The following CSMD1 variants were observed in gnomAD, a reference collection of about 807,000 sequenced individuals.
The protein encoded by CSMD1 is CUB and Sushi multiple domains 1.
Under a neutral mutation model 417.5 loss-of-function variants are expected in CSMD1, and 213 were observed. That is an observed-to-expected ratio of 0.51 (90% CI 0.46 to 0.57). The LOEUF (loss-of-function observed/expected upper bound fraction) is 0.57. Ranked by LOEUF, CSMD1 falls within the 20% of genes least tolerant of loss-of-function variation. The probability of loss-of-function intolerance (pLI) is 0.00; values close to 1 mark genes in which losing one functional copy is unlikely to be tolerated. For synonymous variants in CSMD1, 2,862 were observed against 1,736.8 expected (o/e 1.65, Z -16.11); for missense variants, 6,923 against 4,529.7 (o/e 1.53, Z -15.17).
At chr8:3,295,164 G>A (rs1242413752) in intron 25 of CSMD1, among the ~76,000 whole-genome samples, 8 of 151,768 alleles carry the variant, frequency 5.3e-5, no homozygotes, top group Non-Finnish European at 1.2e-4. Flanking sequence ...TTGCTTTGTT[G>A]CCCAGGTTGG....
At chr8:3,002,395 A>G (rs567213447) in intron 52 of CSMD1, among the ~76,000 whole-genome samples, 4 of 152,176 alleles carry the variant, frequency 2.6e-5, no homozygotes, top group Non-Finnish European at 5.9e-5. Context: ...GAGCCAGAAG[A>G]GCCCATCAGC....
intron 5 of CSMD1, among the ~76,000 whole-genome samples, chr8:3,867,576 G>C (rs978191742): frequency 6.6e-6 from 1 of 152,058 alleles, no homozygotes; most frequent in Non-Finnish European, 1.5e-5. Context: ...AATGAACTGT[G>C]TGGATATCTG....
chr8:3,121,465 A>C (rs1373475313), intron 41 of CSMD1, among the ~76,000 whole-genome samples: 1 of 152,196 alleles, frequency 6.6e-6, no homozygotes, highest in Non-Finnish European at 1.5e-5. Flanking sequence ...AGAAGTGGGA[A>C]GAACACTATG....
At chr8:3,351,487 T>TGG (rs1808417718) in intron 21 of CSMD1, among the ~76,000 whole-genome samples, 4 of 151,676 alleles carry the variant, frequency 2.6e-5, no homozygotes, top group African/African-American at 9.7e-5. Context: ...GGCACATGCC[T>TGG]GTAATCCCAG....
At chr8:3,741,213 T>TAAAAAAAAA (rs58662516) in intron 6 of CSMD1, among the ~76,000 whole-genome samples, 20 of 67,266 alleles carry the variant, frequency 3.0e-4, no homozygotes, top group South Asian at 2.3e-3. Flanking sequence ...GACTCCGTCT[T>TAAAAAAAAA]AAAAAAAAAA....
intron 3 of CSMD1, among the ~76,000 whole-genome samples, chr8:4,300,608 T>C (rs1797930364): frequency 6.6e-6 from 1 of 152,204 alleles, no homozygotes; most frequent in Non-Finnish European, 1.5e-5. Flanking sequence ...TATGTATACA[T>C]GTGCCATGCT....
chr8:4,220,409 T>C (rs933461821), intron 3 of CSMD1, among the ~76,000 whole-genome samples: 3 of 152,220 alleles, frequency 2.0e-5, no homozygotes, highest in African/African-American at 7.2e-5. Flanking sequence ...GGTTAGTGTT[T>C]AGCAGTATGC....
chr8:4,837,956 ACT>A (rs1035378694), intron 1 of CSMD1, among the ~76,000 whole-genome samples: 8 of 152,284 alleles, frequency 5.3e-5, no homozygotes, highest in African/African-American at 1.9e-4. Flanking sequence ...AGCAATGCTC[ACT>A]GAGGCATTGC....
intron 2 of CSMD1, among the ~76,000 whole-genome samples, chr8:4,562,471 T>C (rs904692162): frequency 2.6e-5 from 4 of 152,204 alleles, no homozygotes; most frequent in African/African-American, 7.2e-5. Context: ...AGAGATTGAA[T>C]TCATTAGAAA....
At chr8:4,185,717 G>A (rs1050906379) in intron 3 of CSMD1, among the ~76,000 whole-genome samples, 25 of 152,116 alleles carry the variant, frequency 1.6e-4, no homozygotes, top group African/African-American at 4.3e-4. Context: ...AAATATGTTC[G>A]TCAGATAGAC....
intron 2 of CSMD1, among the ~76,000 whole-genome samples, chr8:4,606,393 G>C (rs1423634461): frequency 6.6e-6 from 1 of 152,106 alleles, no homozygotes; most frequent in Non-Finnish European, 1.5e-5. Flanking sequence ...CCAGAGGTGA[G>C]GCTTCTTGCT....
intron 22 of CSMD1, 104 bp downstream of exon 22, chr8:3,347,888 T>C (rs1468814199): frequency 4.5e-6 from 3 of 663,786 alleles, no homozygotes; most frequent in African/African-American, 1.9e-5. Context: ...TATATAAAAA[T>C]ATATGTTAAT....
intron 8 of CSMD1, among the ~76,000 whole-genome samples, chr8:3,600,958 C>G (rs920283323): frequency 1.3e-5 from 2 of 152,162 alleles, no homozygotes; most frequent in Admixed American, 6.5e-5. Flanking sequence ...ATTGCAATGT[C>G]AAGAAATGTA....
In CSMD1 at chr8:3,809,089, T is replaced by A. The variant is rs1361696254; in HGVS notation, c.819-55047A>T. On this transcript the variant is annotated intron_variant, in intron 5 of 69. Transcript: ENST00000635120. ...GGAATCACGCAGCTTCTATCATATA[T>A]GACAACCTGCCACCGGGCACATGCT... 2.0e-5 allele frequency among the ~76,000 whole-genome samples: 3 copies of A among 152,164 alleles called. No homozygotes were observed. In the South Asian group the frequency reaches 6.2e-4, roughly 32 times the overall value.
At chr8:3,854,315 C>T (rs1039906642) in intron 5 of CSMD1, among the ~76,000 whole-genome samples, 1 of 151,534 alleles carries the variant, frequency 6.6e-6, no homozygotes, top group Non-Finnish European at 1.5e-5. Context: ...GTGTGCACTG[C>T]CCTTTTTATT....
chr8:4,709,051 C>T (rs1257986738), intron 1 of CSMD1, among the ~76,000 whole-genome samples: 1 of 152,140 alleles, frequency 6.6e-6, no homozygotes, highest in African/African-American at 2.4e-5. Flanking sequence ...GTCTATGGTA[C>T]TTTGTTATGG....
chr8:4,263,460 T>C (rs187971999), intron 3 of CSMD1, among the ~76,000 whole-genome samples: 1 of 152,292 alleles, frequency 6.6e-6, no homozygotes, highest in Admixed American at 6.5e-5. Flanking sequence ...TGTGACATAG[T>C]TGTTCCTTCC....
intron 10 of CSMD1, among the ~76,000 whole-genome samples, chr8:3,498,761 C>A (rs1385608519): frequency 6.6e-6 from 1 of 152,002 alleles, no homozygotes; most frequent in East Asian, 1.9e-4. Flanking sequence ...CTTTTTTCAT[C>A]TTGATCTAGT....
chr8:4,032,475 C>G (rs958939291), intron 3 of CSMD1, among the ~76,000 whole-genome samples: 1 of 152,170 alleles, frequency 6.6e-6, no homozygotes, highest in African/African-American at 2.4e-5. Flanking sequence ...CTATAGAAAT[C>G]TAAAACAGTG....
Sources: allele counts gnomAD v4.1 joint callset (sites outside exome capture counted in the v4.1 genomes callset), GRCh38; gene constraint gnomAD v4.1.1; transcripts MANE v1.5; gene names NCBI Gene and HGNC (gene_info 2026-07-23, HGNC 2026-07-21).